Variants in TFEC observed in about 807,000 individuals in gnomAD.
TFEC encodes the protein class E basic helix-loop-helix protein 34.
In TFEC, 31 loss-of-function variants were observed where a neutral mutation model predicts 41.6. The observed-to-expected ratio is 0.74, with a 90% CI of 0.56 to 1.01. The LOEUF (loss-of-function observed/expected upper bound fraction) is 1.01. TFEC is among the 50% of genes least tolerant of loss of function. TFEC has a pLI of 0.00. For synonymous variants in TFEC, 143 were observed against 140.6 expected (o/e 1.02, Z -0.12); for missense variants, 402 against 404.1 (o/e 0.99, Z 0.04).
At chr7:116,098,118 A>C (rs1797512151) in intron 3 of TFEC, among the ~76,000 whole-genome samples, 2 of 152,202 alleles carry the variant, frequency 1.3e-5, no homozygotes, top group African/African-American at 4.8e-5. Context: ...TAATATAAGC[A>C]AATTGAGTGG....
chr7:116,105,782 C>A (rs117624951), intron 3 of TFEC, among the ~76,000 whole-genome samples: 1 of 151,986 alleles, frequency 6.6e-6, no homozygotes, highest in Non-Finnish European at 1.5e-5. Context: ...CAAAAAGAGA[C>A]AGATTTAACC....
At chr7:115,954,517 A>C in intron 5 of TFEC, 69 bp downstream of exon 5, 1 of 1,313,730 alleles carries the variant, frequency 7.6e-7, no homozygotes, top group African/African-American at 1.5e-5. Context: ...AGTATAATAA[A>C]AGACCACACA....
chr7:115,951,231 A>G (rs1791923131), intron 5 of TFEC, among the ~76,000 whole-genome samples: 1 of 152,116 alleles, frequency 6.6e-6, no homozygotes, highest in African/African-American at 2.4e-5. Flanking sequence ...TGAAATGTGT[A>G]TAAGTATATA....
chr7:116,020,425 T>C (rs1036462870), intron 1 of TFEC, among the ~76,000 whole-genome samples: 5 of 152,190 alleles, frequency 3.3e-5, no homozygotes, highest in Non-Finnish European at 7.4e-5. Flanking sequence ...ACATTATTAA[T>C]AATGATTCTA....
chr7:116,051,266 T>C (rs897238402), intron 3 of TFEC, among the ~76,000 whole-genome samples: 1 of 152,226 alleles, frequency 6.6e-6, no homozygotes, highest in Non-Finnish European at 1.5e-5. Flanking sequence ...CTGCACGTTG[T>C]GCACATGTAC....
chr7:115,958,224 A>C (rs1184071649), intron 3 of TFEC, among the ~76,000 whole-genome samples: 2 of 152,042 alleles, frequency 1.3e-5, no homozygotes, highest in African/African-American at 4.8e-5. Flanking sequence ...AAGTTGAGCA[A>C]ATTAGGCAGA....
chr7:115,949,583 A>C (rs1791815419), intron 6 of TFEC, among the ~76,000 whole-genome samples: 1 of 152,158 alleles, frequency 6.6e-6, no homozygotes, highest in Non-Finnish European at 1.5e-5. Context: ...AAACCTGAGA[A>C]AAACAAGCAA....
At chr7:115,968,380 T>G in intron 3 of TFEC, 1 of 1,313,640 alleles carries the variant, frequency 7.6e-7, no homozygotes, top group Non-Finnish European at 9.9e-7. Context: ...AAAAGCTTGC[T>G]CACTGATGTT....
At chr7:115,996,337 G>T (rs1794366357) in intron 1 of TFEC, among the ~76,000 whole-genome samples, 1 of 152,092 alleles carries the variant, frequency 6.6e-6, no homozygotes, top group Non-Finnish European at 1.5e-5. Context: ...TGGGCCAGAA[G>T]GGAACCTACT....
rs561885891 is a variant in TFEC, at chr7:115,951,776, T to C, written c.440-827A>G. On this transcript the variant is annotated intron_variant, in intron 5 of 7. Coordinates refer to ENST00000265440, the MANE Select transcript of TFEC (RefSeq NM_012252.4). ...AAGCTCTTATTCAGAGACTGTTTTC[T>C]CTTTTTGCATTTCCATACATTCATT... is the stretch of plus-strand genomic sequence containing the variant. 9.2e-5 allele frequency among the ~76,000 whole-genome samples: 14 copies of C among 152,200 alleles called. No individual in the cohort carries two copies. In the South Asian group the frequency reaches 2.9e-3, roughly 32 times the overall value.
At chr7:116,110,598 T>G in intron 3 of TFEC, 3 of 772,452 alleles carry the variant, frequency 3.9e-6, no homozygotes, top group Non-Finnish European at 3.6e-6. Flanking sequence ...GGGTTTTTAT[T>G]CTTGTTTTTT....
At chr7:116,080,257 G>C (rs976688526) in intron 3 of TFEC, among the ~76,000 whole-genome samples, 2 of 151,980 alleles carry the variant, frequency 1.3e-5, no homozygotes, top group Admixed American at 1.3e-4. Flanking sequence ...TCTAGACATT[G>C]GCTTAGGCAA....
At chr7:116,101,776 G>A (rs1354818465) in intron 3 of TFEC, among the ~76,000 whole-genome samples, 1 of 152,054 alleles carries the variant, frequency 6.6e-6, no homozygotes, top group Non-Finnish European at 1.5e-5. Flanking sequence ...ATGCTTGACG[G>A]CATTATTGAT....
At chr7:116,141,058 A>G (rs1798530755) in intron 1 of TFEC, among the ~76,000 whole-genome samples, 1 of 152,224 alleles carries the variant, frequency 6.6e-6, no homozygotes, top group South Asian at 2.1e-4. Flanking sequence ...ATCATTGTAA[A>G]TTACAGAGGT....
At position 116,140,597 on chromosome 7, in the gene TFEC, A is replaced by T. The variant is rs139764212; in HGVS notation, c.-69+19193T>A. Reference sequence around the variant, plus strand: ...GTATTATAAACTAAAACAATGATGTATTGGCAGTGTCTTACAACATATGCA... The same window carrying T: ...GTATTATAAACTAAAACAATGATGTTTTGGCAGTGTCTTACAACATATGCA... On this transcript the variant is annotated intron_variant, in intron 1 of 8. Coordinates refer to the TFEC transcript ENST00000484212. Among the ~76,000 whole-genome samples, 504 of 152,340 alleles carry T rather than the reference A, an allele frequency of 3.3e-3. 2 individuals carry two copies. The highest frequency in any genetic ancestry group is 6.8e-3 in the Middle Eastern group (2 of 294).
chr7:115,997,048 C>A (rs952125787), intron 1 of TFEC, among the ~76,000 whole-genome samples: 37 of 152,172 alleles, frequency 2.4e-4, no homozygotes, highest in African/African-American at 8.4e-4. Context: ...GCTGACTTTA[C>A]TACCTGCTGA....
chr7:116,139,257 C>G (rs904815918), intron 1 of TFEC, among the ~76,000 whole-genome samples: 1 of 152,138 alleles, frequency 6.6e-6, no homozygotes, highest in Non-Finnish European at 1.5e-5. Context: ...AGTACAAGAG[C>G]GTTCTGATGA....
At chr7:116,008,351 A>C (rs1443605466) in intron 1 of TFEC, among the ~76,000 whole-genome samples, 1 of 152,172 alleles carries the variant, frequency 6.6e-6, no homozygotes, top group African/African-American at 2.4e-5. Flanking sequence ...CATATACAAC[A>C]TCACCAAATA....
intron 3 of TFEC, among the ~76,000 whole-genome samples, chr7:116,064,822 A>C (rs1038806893): frequency 4.6e-5 from 7 of 152,198 alleles, no homozygotes; most frequent in African/African-American, 1.7e-4. Context: ...TTAAAGCAAA[A>C]AAGTCTCCAG....
Sources: gnomAD v4.1 joint callset for allele counts (sites outside exome capture counted in the v4.1 genomes callset) on GRCh38, gnomAD v4.1.1 for gene constraint, MANE v1.5 for transcripts, NCBI Gene and HGNC (gene_info 2026-07-23, HGNC 2026-07-21) for gene names.